KAT7: variants seen among roughly 807,000 people sequenced by gnomAD.
KAT7 encodes histone acetyltransferase KAT7.
In KAT7, 10 loss-of-function variants were observed where a neutral mutation model predicts 82.1. The ratio of observed to expected loss-of-function variants is 0.12; its 90% CI spans 0.08 to 0.21. The LOEUF (loss-of-function observed/expected upper bound fraction) is 0.21. KAT7 is among the 10% of genes least tolerant of loss of function. The pLI is 1.00. For missense variants in KAT7, 378 were observed against 760.9 expected, an observed-to-expected ratio of 0.50 and a Z score of 5.92; for synonymous variants, 250 against 262.5, an observed-to-expected ratio of 0.95 and a Z score of 0.46.
chr17:49,798,280 A>G, intron 3 of KAT7, 39 bp from the exon 4 acceptor site: 1 of 1,590,804 alleles, frequency 6.3e-7, no homozygotes, highest in Non-Finnish European at 8.6e-7. Context: ...TAAATAAATG[A>G]ACTCCACTCA....
chr17:49,793,732 C>G (rs918042724), intron 2 of KAT7, among the ~76,000 whole-genome samples: 3 of 151,902 alleles, frequency 2.0e-5, no homozygotes, highest in Admixed American at 1.3e-4. Flanking sequence ...GCCACCGTGC[C>G]CAGCTAATTT....
chr17:49,791,806 A>T (rs1281055331), intron 1 of KAT7, 80 bp from the exon 2 acceptor site: 3 of 1,428,638 alleles, frequency 2.1e-6, no homozygotes, highest in Non-Finnish European at 2.9e-6. Context: ...TCAGTGTCAC[A>T]GCTTGTTTTA....
At chr17:49,805,227 T>C (rs978352815) in intron 4 of KAT7, 136 bp from the exon 5 acceptor site, 26 of 612,304 alleles carry the variant, frequency 4.2e-5, no homozygotes, top group African/African-American at 3.5e-4. Flanking sequence ...ACCAGCCTTA[T>C]GTTTGGTGGA....
chr17:49,789,682 T>C (rs2073860125), intron 1 of KAT7: 1 of 152,230 alleles, frequency 6.6e-6, no homozygotes, highest in Admixed American at 6.5e-5. Flanking sequence ...TTGACTACTT[T>C]CTGCGCGGTG....
At chr17:49,822,464 CAAGT>C (rs1344380152) in intron 11 of KAT7, among the ~76,000 whole-genome samples, 2 of 152,142 alleles carry the variant, frequency 1.3e-5, no homozygotes, top group Non-Finnish European at 2.9e-5. Context: ...CTCCTGACCT[CAAGT>C]AATCCACTCG....
intron 1 of KAT7, chr17:49,789,599 A>G (rs1767490261): frequency 6.6e-6 from 1 of 152,232 alleles, no homozygotes. Context: ...AGGCCCATGG[A>G]GTGCCGCAAG....
rs114180924 is a variant in KAT7, at chr17:49,818,156, C to T, written c.1155+145C>T. ...TGAAGGCATAGGAAATGACAGGCCA[C>T]AGCTTAAGGCGGGGTATAGAGCCTG... On this transcript the variant is annotated intron_variant, in intron 9 of 14. Transcript: ENST00000259021. The T allele has an allele frequency of 3.9e-3, 2,519 of 652,632 alleles. 60 individuals are homozygous for T. In the African/African-American group the frequency reaches 0.042, roughly 11 times the overall value. The allele number at this position is 652,632 out of a possible 1,614,324, so 40.4% of individuals were successfully genotyped here.
chr17:49,808,499 G>T (rs1156799389), intron 5 of KAT7, among the ~76,000 whole-genome samples: 2 of 150,420 alleles, frequency 1.3e-5, no homozygotes, highest in African/African-American at 4.9e-5. Flanking sequence ...TGTCCAGGCT[G>T]GAGTGCAGTG....
chr17:49,791,405 C>T (rs1179371515), intron 1 of KAT7, among the ~76,000 whole-genome samples: 6 of 152,184 alleles, frequency 3.9e-5, no homozygotes, highest in Non-Finnish European at 8.8e-5. Flanking sequence ...CGTCTGTAAT[C>T]CCAGCACTTT....
rs1453239368 is a variant in KAT7 at position 49,834,594 on chromosome 17, C to T, written c.*7092C>T. Reference sequence around the variant, plus strand: ...CTACATAGCTTTCATCATTCCCTTACACATAACCTCAACGTGCAACAGGAT... The same window carrying T: ...CTACATAGCTTTCATCATTCCCTTATACATAACCTCAACGTGCAACAGGAT... On this transcript the variant is annotated 3_prime_UTR_variant, in exon 15 of 15. Transcript: ENST00000259021. 6.6e-6 allele frequency: 1 copy of T among 152,258 alleles called. No individual in the cohort carries two copies. The highest frequency in any genetic ancestry group is 2.4e-5 in the African/African-American group (1 of 41,462). The allele number at this position is 152,258 out of a possible 1,614,324, so 9.4% of individuals were successfully genotyped here.
chr17:49,827,653 T>G lies in KAT7; in HGVS notation c.*151T>G. 3.2e-6 allele frequency: 2 copies of G among 619,424 alleles called. No individual in the cohort carries two copies. The highest frequency in any genetic ancestry group is 4.3e-4 in the Middle Eastern group (1 of 2,316). The allele number at this position is 619,424 out of a possible 1,614,324, so 38.4% of individuals were successfully genotyped here. The stretch of plus-strand genomic sequence containing the variant: ...TCAGGACTGTCCTGGCTCCGACCTT[T>G]GTGTACACTGCAGACGCTGGTTCTG... On this transcript the variant is annotated 3_prime_UTR_variant, in exon 15 of 15. Transcript: ENST00000259021.
chr17:49,791,630 C>T (rs2143834505), intron 1 of KAT7, among the ~76,000 whole-genome samples: 2 of 152,342 alleles, frequency 1.3e-5, no homozygotes, highest in East Asian at 1.9e-4. Flanking sequence ...TGCACTCCAG[C>T]CTGGGCAATG....
Position 49,796,917 on chromosome 17 carries a change from T to A in KAT7, c.331T>A (p.Ser111Thr). 1 of 1,614,086 alleles carries A rather than the reference T, an allele frequency of 6.2e-7. No individual in the cohort carries two copies. Among genetic ancestry groups the A allele is most frequent in the South Asian group, 1.1e-5 (1 of 91,082 alleles). ...GSETEQVVDFSDRETKNTADH... is the reference protein window; with the variant it reads ...GSETEQVVDFTDRETKNTADH... ...AGAAACTGAGCAAGTGGTTGATTTT[T>A]CAGATAGAGGTGAGTGGGTATGGTA... Residue 111 changes from serine to threonine, a missense_variant, in exon 3 of 15, where the codon TCA becomes ACA. This residue lies in a region of KAT7 where 161 missense variants were observed against 229.6 expected (regional missense o/e 0.70). Transcript: ENST00000259021.
In KAT7 at chr17:49,817,953, A is replaced by G; in HGVS notation, c.1097A>G (p.Tyr366Cys). Residue 366 changes from tyrosine (Y) to cysteine (C), a missense_variant, in exon 9 of 15, where the codon TAT (tyrosine) becomes TGT (cysteine). Around this residue, in one of 6 missense-constraint regions of KAT7, gnomAD observed 37 missense variants for 98.6 expected, o/e 0.38. Transcript: ENST00000259021. Reference protein sequence around the residue: ...PEEYARLGRLYMCEFCLKYMK... With the variant: ...PEEYARLGRLCMCEFCLKYMK... ...GAATATGCACGGCTGGGACGTCTCT[A>G]TATGTGTGAATTCTGTTTAAAATAT... 13 of 1,613,718 alleles carry G rather than the reference A, an allele frequency of 8.1e-6. No homozygotes were observed. Among genetic ancestry groups the G allele is most frequent in the Non-Finnish European group, 1.0e-5 (12 of 1,179,678 alleles).
intron 7 of KAT7, among the ~76,000 whole-genome samples, chr17:49,812,349 C>G (rs1373123677): frequency 6.6e-6 from 1 of 151,522 alleles, no homozygotes; most frequent in Non-Finnish European, 1.5e-5. Flanking sequence ...CTCAGCCTCC[C>G]GAGTAGCTAG....
At position 49,811,594 on chromosome 17, in the gene KAT7, T is replaced by G. The variant is rs1486132409; in HGVS notation, c.852+20T>G. ...TATATGGTGAGGGAAAGTTAAATATTTAATGAGCATGAACTCCTGCTATCA... is the reference window on the plus strand; with the variant it reads ...TATATGGTGAGGGAAAGTTAAATATGTAATGAGCATGAACTCCTGCTATCA... On this transcript the variant is annotated intron_variant, in intron 7 of 14. Transcript: ENST00000259021. 8.1e-6 allele frequency: 10 copies of G among 1,239,792 alleles called. No individual in the cohort carries two copies. The highest frequency in any genetic ancestry group is 1.1e-5 in the Non-Finnish European group (10 of 896,746). The allele number at this position is 1,239,792 out of a possible 1,614,324, so 76.8% of individuals were successfully genotyped here. A position where few individuals can be genotyped will look rare whatever the true frequency, so the allele number is the denominator to read the frequency against.
At chr17:49,803,794 C>G (rs979866923) in intron 4 of KAT7, among the ~76,000 whole-genome samples, 3 of 152,080 alleles carry the variant, frequency 2.0e-5, no homozygotes, top group African/African-American at 4.8e-5. Flanking sequence ...ACCCATTCAC[C>G]AGTACTTGGA....
At chr17:49,792,124 C>T (rs1025761085) in intron 2 of KAT7, 91 bp downstream of exon 2, 1 of 1,304,730 alleles carries the variant, frequency 7.7e-7, no homozygotes, top group African/African-American at 1.5e-5. Flanking sequence ...AAACTGGCCC[C>T]TTGGCTTGGT....
At chr17:49,808,519 C>T (rs77227759) in intron 5 of KAT7, among the ~76,000 whole-genome samples, 298 of 150,978 alleles carry the variant, frequency 2.0e-3, no homozygotes, top group African/African-American at 6.9e-3. Context: ...GGTGCGATCT[C>T]GGCTCACTGC....
Sources: allele counts gnomAD v4.1 joint callset (sites outside exome capture counted in the v4.1 genomes callset), GRCh38; gene constraint gnomAD v4.1.1; regional missense constraint gnomAD v4.1.1; transcripts MANE v1.5; gene names NCBI Gene and HGNC (gene_info 2026-07-23, HGNC 2026-07-21).